Variants in XKR7 observed in about 807,000 individuals in gnomAD.
XKR7 encodes the protein XK related 7.
A neutral mutation model predicts 42.2 loss-of-function variants in XKR7; 11 were observed. The ratio of observed to expected loss-of-function variants is 0.26; its 90% CI spans 0.16 to 0.43. XKR7 has a LOEUF of 0.43. Ranked by LOEUF, XKR7 falls within the 20% of genes least tolerant of loss-of-function variation. The pLI is 1.00. For synonymous variants in XKR7, 346 were observed against 366.4 expected (o/e 0.94, Z 0.64); for missense variants, 710 against 802.2 (o/e 0.89, Z 1.39).
Position 31,968,857 on chromosome 20 carries a change from C to G in XKR7, c.584+98C>G, listed in dbSNP as rs1165770191. The G allele has an allele frequency of 1.4e-6, 2 of 1,422,086 alleles. No individual in the cohort carries two copies. The highest frequency in any genetic ancestry group is 1.8e-6 in the Non-Finnish European group (2 of 1,089,780). The allele number at this position is 1,422,086 out of a possible 1,614,324, so 88.1% of individuals were successfully genotyped here. A position where few individuals can be genotyped will look rare whatever the true frequency, so the allele number is the denominator to read the frequency against. ...CCTGATCTGACCTTTCCGGGCTACC[C>G]TCCTGTCCTGACCTCCCCCCCTCCC... is the stretch of plus-strand genomic sequence containing the variant. On this transcript the variant is annotated intron_variant, in intron 1 of 2. Coordinates refer to ENST00000562532, the MANE Select transcript of XKR7 (RefSeq NM_001011718.2). The surrounding 1 kb of genome is among the most constrained non-coding windows in gnomAD (Gnocchi z 4.5).
rs761809293 is a variant in XKR7 at position 31,997,327 on chromosome 20, C to T, written c.1610C>T (p.Ala537Val). 7 of 1,609,768 alleles carry T rather than the reference C, an allele frequency of 4.3e-6. No homozygotes were observed. Among genetic ancestry groups the T allele is most frequent in the Non-Finnish European group, 5.1e-6 (6 of 1,179,984 alleles). Residue 537 changes from alanine (A) to valine (V), a missense_variant, in exon 3 of 3, where the codon GCT becomes GTT. Physicochemically the swap from Ala to Val is moderately conservative, Grantham distance 64 (BLOSUM62 0). Around this residue, in one of 2 missense-constraint regions of XKR7, gnomAD observed 708 missense variants for 786.2 expected, o/e 0.90. Transcript: ENST00000562532. Reference sequence around the variant, plus strand: ...CGCAAGAAGTACCCGGCCTGGGATGCTCATTTTATTGACCGCCGGCTCCGG... The same window carrying T: ...CGCAAGAAGTACCCGGCCTGGGATGTTCATTTTATTGACCGCCGGCTCCGG... ...LPRKKYPAWDAHFIDRRLRKT... is the reference protein window; with the variant it reads ...LPRKKYPAWDVHFIDRRLRKT...
intron 1 of XKR7, among the ~76,000 whole-genome samples, chr20:31,990,712 T>G (rs559533966): frequency 6.6e-6 from 1 of 152,250 alleles, no homozygotes; most frequent in Non-Finnish European, 1.5e-5. Context: ...TGTTCTGTTT[T>G]GCACACATTT....
rs781185215 is a variant in XKR7, at chr20:31,996,865, G to T, written c.1148G>T (p.Arg383Leu). 2.5e-6 allele frequency: 4 copies of T among 1,613,608 alleles called. No individual in the cohort carries two copies. Among genetic ancestry groups the T allele is most frequent in the Non-Finnish European group, 3.4e-6 (4 of 1,180,014 alleles). ...FNVKEGRSRR[R>L]MTLYHCIVLL... ...GTCAAGGAGGGCCGCAGCCGCCGCC[G>T]CATGACCCTCTACCACTGCATCGTC... is the stretch of plus-strand genomic sequence containing the variant. The change falls in exon 3 of 3, where the codon CGC (arginine) becomes CTC (leucine). Residue 383 changes from arginine to leucine, a missense_variant. This residue lies in a region of XKR7 where 708 missense variants were observed against 786.2 expected (regional missense o/e 0.90). Coordinates refer to ENST00000562532, the MANE Select transcript of XKR7 (RefSeq NM_001011718.2).
intron 1 of XKR7, among the ~76,000 whole-genome samples, chr20:31,986,135 C>CACAG (rs375986460): frequency 7.1e-6 from 1 of 140,584 alleles, no homozygotes; most frequent in Non-Finnish European, 1.5e-5. Context: ...GCATCCAAGG[C>CACAG]ACAGACAGAC....
chr20:31,997,119 G>A lies in XKR7; in HGVS notation c.1402G>A (p.Ala468Thr), dbSNP rs201142404. The A allele has an allele frequency of 1.2e-5, 20 of 1,612,774 alleles. No individual in the cohort carries two copies. In the East Asian group the frequency reaches 3.3e-4, roughly 27 times the overall value. ...ASEPCGPPADAITSPPRSLPR... is the reference protein window; with the variant it reads ...ASEPCGPPADTITSPPRSLPR... ...AGAGCCCTGTGGCCCACCCGCTGAC[G>A]CCATCACGAGTCCCCCCAGGTCCCT... Residue 468 changes from alanine (A) to threonine (T), a missense_variant, in exon 3 of 3, where the codon GCC (alanine) becomes ACC (threonine). Physicochemically the swap from Ala to Thr is moderately conservative, Grantham distance 58. Around this residue, in one of 2 missense-constraint regions of XKR7, gnomAD observed 708 missense variants for 786.2 expected, o/e 0.90. Transcript: ENST00000562532.
intron 1 of XKR7, among the ~76,000 whole-genome samples, chr20:31,989,805 G>T (rs1314355537): frequency 6.6e-6 from 1 of 152,176 alleles, no homozygotes; most frequent in African/African-American, 2.4e-5. Context: ...TAGAGATGGG[G>T]TTTCTCTGTG....
chr20:31,989,481 G>A (rs1435320735), intron 1 of XKR7, among the ~76,000 whole-genome samples: 1 of 151,840 alleles, frequency 6.6e-6, no homozygotes, highest in Non-Finnish European at 1.5e-5. Context: ...TATCCTGCTG[G>A]TTGCCATGTG....
chr20:31,987,283 CACAG>C (rs1444824374), intron 1 of XKR7, among the ~76,000 whole-genome samples: 2 of 148,366 alleles, frequency 1.3e-5, no homozygotes, highest in African/African-American at 5.0e-5. Context: ...GCATCCAAGA[CACAG>C]ACAGACAGAC....
intron 1 of XKR7, among the ~76,000 whole-genome samples, chr20:31,975,386 C>A (rs904116944): frequency 2.6e-5 from 4 of 152,236 alleles, no homozygotes; most frequent in Non-Finnish European, 4.4e-5. Flanking sequence ...CTCCCCACCC[C>A]CTTGCTCTCC....
chr20:31,988,838 C>G (rs1283247689), intron 1 of XKR7, among the ~76,000 whole-genome samples: 1 of 152,100 alleles, frequency 6.6e-6, no homozygotes, highest in African/African-American at 2.4e-5. Context: ...TGTGAGGTGT[C>G]CTGGCTCTTT....
Position 31,968,591 on chromosome 20 carries a change from T to A in XKR7, c.416T>A (p.Ile139Asn). ...TKDSVAGGAA[I>N]STKDSAGAFR... The stretch of plus-strand genomic sequence containing the variant: ...GACAGCGTAGCCGGCGGAGCCGCCA[T>A]CAGCACCAAGGACAGCGCCGGCGCC... The change falls in exon 1 of 3, where the codon ATC becomes AAC. Residue 139 changes from isoleucine to asparagine, a missense_variant. Physicochemically the swap from Ile to Asn is moderately radical, Grantham distance 149 (BLOSUM62 -3). This residue lies in a region of XKR7 where 708 missense variants were observed against 786.2 expected (regional missense o/e 0.90). Coordinates refer to ENST00000562532, the MANE Select transcript of XKR7 (RefSeq NM_001011718.2). This position sits in a 1 kb window ranked among gnomAD's most constrained non-coding sequence, Gnocchi z 4.5. 3 of 1,609,550 alleles carry A rather than the reference T, an allele frequency of 1.9e-6. No individual in the cohort carries two copies. Among genetic ancestry groups the A allele is most frequent in the Non-Finnish European group, 2.5e-6 (3 of 1,179,146 alleles).
At position 31,981,640 on chromosome 20, in the gene XKR7, C is replaced by T. The variant is rs370636044; in HGVS notation, c.584+12881C>T. Among the ~76,000 whole-genome samples, 17 of 151,840 alleles carry T rather than the reference C, an allele frequency of 1.1e-4. No individual in the cohort carries two copies. The East Asian group carries it at 1.2e-3, about 10-fold the overall frequency. On this transcript the variant is annotated intron_variant, in intron 1 of 2. Transcript: ENST00000562532. ...CTGGGAGGTAGAGGTTGCAGTGAGC[C>T]GAAATCGTGCCACTGCACTGCAGCC...
chr20:31,971,765 T>A (rs2064466806), intron 1 of XKR7, among the ~76,000 whole-genome samples: 1 of 152,138 alleles, frequency 6.6e-6, no homozygotes, highest in South Asian at 2.1e-4. Flanking sequence ...GAATTAAAAA[T>A]TCAAATGCTT....
chr20:31,997,873 T>G lies in XKR7; in HGVS notation c.*416T>G. ...GGGGTTGTGGAGAGTGGGCTGCCTC[T>G]ATGGTGGGAAAAGATCTCTGAGAAG... On this transcript the variant is annotated 3_prime_UTR_variant, in exon 3 of 3. Coordinates refer to ENST00000562532, the MANE Select transcript of XKR7 (RefSeq NM_001011718.2). 5.6e-6 allele frequency: 1 copy of G among 179,298 alleles called. No homozygotes were observed. The highest frequency in any genetic ancestry group is 1.2e-5 in the Non-Finnish European group (1 of 84,544). The allele number at this position is 179,298 out of a possible 1,614,324, so 11.1% of individuals were successfully genotyped here.
chr20:31,975,210 C>T (rs955243557), intron 1 of XKR7, among the ~76,000 whole-genome samples: 1 of 152,158 alleles, frequency 6.6e-6, no homozygotes, highest in Non-Finnish European at 1.5e-5. Context: ...GAAATCCTAT[C>T]AGCCTCCGGT....
rs2064608360 is a variant in XKR7, at chr20:31,998,593, T to G, written c.*1136T>G. The stretch of plus-strand genomic sequence containing the variant: ...CAGCGTGAATGGAATTTTCTAGGAA[T>G]GGGTGCTCTCATTCTAGACTTCTGG... On this transcript the variant is annotated 3_prime_UTR_variant, in exon 3 of 3. Coordinates refer to ENST00000562532, the MANE Select transcript of XKR7 (RefSeq NM_001011718.2). 1 of 152,114 alleles carries G rather than the reference T, an allele frequency of 6.6e-6. No individual in the cohort carries two copies. Among genetic ancestry groups the G allele is most frequent in the South Asian group, 2.1e-4 (1 of 4,824 alleles). 9.4% of individuals were successfully genotyped at this position (152,114 alleles called of 1,614,324 possible).
At chr20:31,989,390 G>C (rs902753049) in intron 1 of XKR7, among the ~76,000 whole-genome samples, 3 of 152,144 alleles carry the variant, frequency 2.0e-5, no homozygotes, top group African/African-American at 7.2e-5. Flanking sequence ...GGGGAGAAGC[G>C]TGGGTTTTAT....
At chr20:31,985,456 G>C (rs962768929) in intron 1 of XKR7, among the ~76,000 whole-genome samples, 2 of 151,762 alleles carry the variant, frequency 1.3e-5, no homozygotes, top group African/African-American at 4.8e-5. Flanking sequence ...AGCAGGCAGG[G>C]GAGGATGGCC....
intron 1 of XKR7, among the ~76,000 whole-genome samples, chr20:31,982,501 G>A (rs1355606284): frequency 3.5e-5 from 5 of 141,372 alleles, no homozygotes; most frequent in Non-Finnish European, 6.0e-5. Flanking sequence ...CAGCCCAGGC[G>A]ACAGAGAGAC....
Sources: gnomAD v4.1 joint callset for allele counts (sites outside exome capture counted in the v4.1 genomes callset) on GRCh38, gnomAD v4.1.1 for gene constraint, gnomAD v4.1.1 regional missense constraint, Gnocchi (gnomAD v3.1) non-coding constraint, MANE v1.5 for transcripts, NCBI Gene and HGNC (gene_info 2026-07-23, HGNC 2026-07-21) for gene names.